Variants in CPS1 observed in about 807,000 individuals in gnomAD.
The protein encoded by CPS1 is carbamoyl-phosphate synthase [ammonia], mitochondrial.
Under a neutral mutation model 174.6 loss-of-function variants are expected in CPS1, and 109 were observed. That is an observed-to-expected ratio of 0.62 (90% confidence interval 0.53 to 0.73). CPS1 has a LOEUF of 0.73. CPS1 is among the 30% of genes least tolerant of loss of function. The pLI is 0.00. For missense variants in CPS1, 1,689 were observed against 1,821.9 expected (o/e 0.93, Z 1.33); for synonymous variants, 637 against 632.0 (o/e 1.01, Z -0.12).
At position 210,507,154 on chromosome 2, in the gene CPS1, G is replaced by A. The variant is rs930906490; in HGVS notation, c.3+29388G>A. On this transcript the variant is annotated intron_variant, in intron 1 of 38. Transcript: ENST00000430249. The stretch of plus-strand genomic sequence containing the variant: ...AAGGTCGGGTTACCCATAAAGGGAA[G>A]CCTATCAGACTAACAATGGATCTCT... Among the ~76,000 whole-genome samples, 16 of 152,226 alleles carry A rather than the reference G, an allele frequency of 1.1e-4. 1 individual carries two copies. Among genetic ancestry groups the A allele is most frequent in the Non-Finnish European group, 2.4e-4 (16 of 68,040 alleles).
intron 21 of CPS1, among the ~76,000 whole-genome samples, chr2:210,621,732 A>G (rs1699536738): frequency 1.3e-5 from 2 of 152,118 alleles, no homozygotes; most frequent in African/African-American, 4.8e-5. Flanking sequence ...GTCTTCACCA[A>G]CTAGGTTCTT....
intron 1 of CPS1, among the ~76,000 whole-genome samples, chr2:210,526,792 T>A (rs1308654667): frequency 3.9e-5 from 6 of 151,902 alleles, no homozygotes; most frequent in Admixed American, 2.6e-4. Context: ...AGATTGTACT[T>A]AAAAATCACA....
At position 210,642,520 on chromosome 2, in the gene CPS1, G is replaced by C; in HGVS notation, c.2996G>C (p.Ser999Thr). The part of the protein sequence containing the change: ...SVEFDWCAVS[S>T]IRTLRQLGKK... ...GAATTTGATTGGTGTGCTGTCTCTA[G>C]TATCCGCACACTGCGTCAACTTGGC... The change falls in exon 25 of 38, where the codon AGT (serine) becomes ACT (threonine). Residue 999 changes from serine (S) to threonine (T), a missense_variant. Physicochemically the swap from Ser to Thr is moderately conservative, Grantham distance 58. Transcript: ENST00000233072. 6.2e-7 allele frequency: 1 copy of C among 1,613,936 alleles called. No homozygotes were observed. The highest frequency in any genetic ancestry group is 8.5e-7 in the Non-Finnish European group (1 of 1,179,872).
chr2:210,648,510 C>G lies in CPS1; in HGVS notation c.3374C>G (p.Pro1125Arg). Residue 1125 changes from proline to arginine, a missense_variant, in exon 27 of 38, where the codon CCC (proline) becomes CGC (arginine). Coordinates refer to ENST00000233072, the MANE Select transcript of CPS1 (RefSeq NM_001875.5). ...ALEFAKSVDY[P>R]CLLRPSYVLS... is the part of the protein sequence containing the mutation. ...GAATTTGCAAAGTCTGTGGACTACC[C>G]CTGCTTGTTGAGGCCTTCCTATGTT... 1 of 1,613,550 alleles carries G rather than the reference C, an allele frequency of 6.2e-7. No individual in the cohort carries two copies.
chr2:210,508,779 G>A (rs1443119286), intron 1 of CPS1, among the ~76,000 whole-genome samples: 1 of 152,162 alleles, frequency 6.6e-6, no homozygotes, highest in Non-Finnish European at 1.5e-5. Flanking sequence ...AGAAAATCTA[G>A]AAGAAATGGA....
intron 6 of CPS1, among the ~76,000 whole-genome samples, chr2:210,584,481 A>G (rs1698039286): frequency 6.6e-6 from 1 of 152,130 alleles, no homozygotes; most frequent in South Asian, 2.1e-4. Context: ...AAATAGATGT[A>G]TTCACCACAA....
At chr2:210,547,041 G>T (rs564708438) in intron 1 of CPS1, among the ~76,000 whole-genome samples, 3 of 152,176 alleles carry the variant, frequency 2.0e-5, no homozygotes, top group African/African-American at 7.2e-5. Flanking sequence ...CCAGGAGTCA[G>T]GATGGACTTT....
intron 6 of CPS1, among the ~76,000 whole-genome samples, chr2:210,583,166 T>C (rs1160195018): frequency 6.6e-6 from 1 of 152,152 alleles, no homozygotes; most frequent in South Asian, 2.1e-4. Flanking sequence ...AAAGATTTAT[T>C]GTGTTATAGC....
At chr2:210,490,881 G>A (rs1694856888) in intron 1 of CPS1, among the ~76,000 whole-genome samples, 1 of 152,124 alleles carries the variant, frequency 6.6e-6, no homozygotes, top group Non-Finnish European at 1.5e-5. Context: ...AGAATCCTAG[G>A]TTGGGAGTCT....
In CPS1 at chr2:210,506,934, C is replaced by A. The variant is rs185061231; in HGVS notation, c.3+29168C>A. 2.8e-3 allele frequency among the ~76,000 whole-genome samples: 420 copies of A among 152,248 alleles called. 1 individual carries two copies. Among genetic ancestry groups the A allele is most frequent in the African/African-American group, 9.5e-3 (394 of 41,526 alleles). On this transcript the variant is annotated intron_variant, in intron 1 of 38. Transcript: ENST00000430249. ...CCTGAAAGTGACAGGGAGAATGGGACCAAGTTGGAAAACACTCTGCAGGAT... is the reference window on the plus strand; with the variant it reads ...CCTGAAAGTGACAGGGAGAATGGGAACAAGTTGGAAAACACTCTGCAGGAT...
intron 34 of CPS1, 106 bp downstream of exon 34, chr2:210,668,390 G>A (rs1054358260): frequency 3.5e-5 from 30 of 851,534 alleles, no homozygotes; most frequent in Middle Eastern, 2.2e-4. Context: ...TTTGTTTTAC[G>A]TTTCCGTTTA....
chr2:210,509,183 T>G (rs934799224), intron 1 of CPS1, among the ~76,000 whole-genome samples: 2 of 152,190 alleles, frequency 1.3e-5, no homozygotes, highest in African/African-American at 4.8e-5. Context: ...TTATCCACCA[T>G]GATCAAGTGG....
At chr2:210,673,761 A>G (rs903227720) in intron 34 of CPS1, 1 of 152,212 alleles carries the variant, frequency 6.6e-6, no homozygotes, top group Admixed American at 6.5e-5. Context: ...GCTTACTTCT[A>G]AATTAGTTTA....
At chr2:210,541,032 A>G (rs1193335821) in intron 1 of CPS1, among the ~76,000 whole-genome samples, 1 of 152,184 alleles carries the variant, frequency 6.6e-6, no homozygotes, top group Non-Finnish European at 1.5e-5. Context: ...AAAGCAGAAC[A>G]AAACCCAGCT....
chr2:210,533,639 T>C (rs73073527), intron 1 of CPS1, among the ~76,000 whole-genome samples: 3,614 of 152,234 alleles, frequency 0.024, 143 homozygotes, highest in African/African-American at 0.082. Flanking sequence ...TCAAGATTCA[T>C]TGGGCTGTAA....
At chr2:210,500,704 G>C (rs536073296) in intron 1 of CPS1, among the ~76,000 whole-genome samples, 1 of 152,336 alleles carries the variant, frequency 6.6e-6, no homozygotes, top group African/African-American at 2.4e-5. Context: ...GCTCCTCCCA[G>C]CTGTTTTCAC....
chr2:210,588,221 A>C (rs1247049584), intron 7 of CPS1, 74 bp downstream of exon 7: 5 of 1,310,004 alleles, frequency 3.8e-6, no homozygotes, highest in Middle Eastern at 1.8e-4. Context: ...TTCCTCTGTC[A>C]CAGAGAAACT....
rs750289755 is a variant in CPS1, at chr2:210,658,646, T to C, written c.3714T>C (p.Gly1238=). The C allele has an allele frequency of 1.2e-6, 2 of 1,614,096 alleles. No individual in the cohort carries two copies. Among genetic ancestry groups the C allele is most frequent in the South Asian group, 1.1e-5 (1 of 91,086 alleles). The change falls in exon 31 of 38, where the codon GGT becomes GGC. Residue 1238 remains glycine (G), a synonymous_variant. Transcript: ENST00000233072. ...RKIAKAFAIS[G]PFNVQFLVKG... is the part of the protein sequence containing the mutation. ...TTGCAAAGGCTTTTGCCATCTCTGG[T>C]CCATTCAACGTCCAATTTCTTGTCA...
chr2:210,494,622 A>G (rs1376381569), intron 1 of CPS1, among the ~76,000 whole-genome samples: 1 of 152,166 alleles, frequency 6.6e-6, no homozygotes, highest in African/African-American at 2.4e-5. Flanking sequence ...CATTTCAATA[A>G]ATGAATGCAA....
Sources: allele counts gnomAD v4.1 joint callset (sites outside exome capture counted in the v4.1 genomes callset), GRCh38; gene constraint gnomAD v4.1.1; transcripts MANE v1.5; gene names NCBI Gene and HGNC (gene_info 2026-07-23, HGNC 2026-07-21).